The following CRACDL variants were observed in gnomAD, a reference collection of about 807,000 sequenced individuals.
CRACDL encodes CRACD like, also known as CRACD-like protein.
A neutral mutation model predicts 70.6 loss-of-function variants in CRACDL; 26 were observed. The ratio of observed to expected loss-of-function variants is 0.37; its 90% CI spans 0.27 to 0.51. CRACDL has a LOEUF of 0.51. Ranked by LOEUF, CRACDL falls within the 20% of genes least tolerant of loss-of-function variation. The pLI is 0.94. For synonymous variants in CRACDL, 618 were observed against 615.2 expected, an observed-to-expected ratio of 1.00 and a Z score of -0.07; for missense variants, 1,283 against 1,376.9, an observed-to-expected ratio of 0.93 and a Z score of 1.08.
chr2:98,800,871 T>A (rs1426480143), intron 7 of CRACDL, among the ~76,000 whole-genome samples: 4 of 152,192 alleles, frequency 2.6e-5, no homozygotes, highest in Admixed American at 2.6e-4. Flanking sequence ...CAGAATTCCA[T>A]CCCAAACACA....
chr2:98,822,576 G>A lies in CRACDL; in HGVS notation c.1697C>T (p.Ala566Val), dbSNP rs1391727371. 10 of 1,452,388 alleles carry A rather than the reference G, an allele frequency of 6.9e-6. No homozygotes were observed. In the South Asian group the frequency reaches 1.3e-4, roughly 19 times the overall value. The allele number at this position is 1,452,388 out of a possible 1,614,324, so 90.0% of individuals were successfully genotyped here. Residue 566 changes from alanine to valine, a missense_variant, in exon 7 of 10, where the codon GCC (alanine) becomes GTC (valine). Ala to Val is a moderately conservative substitution (Grantham distance 64, BLOSUM62 0). Coordinates refer to ENST00000397899, the MANE Select transcript of CRACDL (RefSeq NM_207362.3). This position sits in a 1 kb window ranked among gnomAD's most constrained non-coding sequence, Gnocchi z 4.9. ...APERKAERGG[A>V]ELRGAKKFSV... ...GAACTTCTTCGCGCCTCGCAGCTCG[G>A]CACCGCCCCTCTCCGCCTTCCGCTC...
intron 1 of CRACDL, among the ~76,000 whole-genome samples, chr2:98,898,724 G>A (rs1332354387): frequency 2.6e-5 from 4 of 152,216 alleles, no homozygotes; most frequent in Non-Finnish European, 4.4e-5. Flanking sequence ...GATGAGGAAG[G>A]GAGGCCACGT....
chr2:98,823,221 C>T lies in CRACDL; in HGVS notation c.1052G>A (p.Arg351His), dbSNP rs1368461291. 3.5e-6 allele frequency: 5 copies of T among 1,418,644 alleles called. No homozygotes were observed. Among genetic ancestry groups the T allele is most frequent in the Admixed American group, 3.0e-5 (1 of 33,866 alleles). The allele number at this position is 1,418,644 out of a possible 1,614,324, so 87.9% of individuals were successfully genotyped here. A position where few individuals can be genotyped will look rare whatever the true frequency, so the allele number is the denominator to read the frequency against. The change falls in exon 7 of 10, where the codon CGC becomes CAC. Residue 351 changes from arginine to histidine, a missense_variant. Around this residue, in one of 2 missense-constraint regions of CRACDL, gnomAD observed 362 missense variants for 495.0 expected, o/e 0.73. Transcript: ENST00000397899. This position sits in a 1 kb window ranked among gnomAD's most constrained non-coding sequence, Gnocchi z 4.0. ...LAEPESAPTL[R>H]VEPPSPPEGP... ...CTCCGGCGGGGACGGGGGCTCCACG[C>T]GGAGAGTGGGGGCCGACTCGGGCTC...
intron 7 of CRACDL, among the ~76,000 whole-genome samples, chr2:98,798,114 G>A (rs1010117342): frequency 1.3e-5 from 2 of 152,170 alleles, no homozygotes; most frequent in Non-Finnish European, 2.9e-5. Flanking sequence ...AAGGCCAAGA[G>A]GGGGTGGATC....
At position 98,797,490 on chromosome 2, in the gene CRACDL, G is replaced by C; in HGVS notation, c.2464C>G (p.Pro822Ala). ...GTGACGGTGATCCAGGGTGGCGCAG[G>C]CTGCCCATCAGCTCCAGGCCCTGTT... ...AATGPGADGQ[P>A]APPWITVTRQ... Residue 822 changes from proline (P) to alanine (A), a missense_variant, in exon 8 of 10, where the codon CCT (proline) becomes GCT (alanine). This residue lies in a region of CRACDL where 921 missense variants were observed against 881.9 expected (regional missense o/e 1.04). Coordinates refer to ENST00000397899, the MANE Select transcript of CRACDL (RefSeq NM_207362.3). 1.9e-6 allele frequency: 3 copies of C among 1,614,178 alleles called. No homozygotes were observed. The highest frequency in any genetic ancestry group is 1.7e-6 in the Non-Finnish European group (2 of 1,180,036).
intron 7 of CRACDL, among the ~76,000 whole-genome samples, chr2:98,811,718 T>C (rs1386223815): frequency 6.6e-6 from 1 of 152,058 alleles, no homozygotes; most frequent in Non-Finnish European, 1.5e-5. Context: ...TCCCAACCCC[T>C]GGCAACTACT....
At position 98,887,640 on chromosome 2, in the gene CRACDL, C is replaced by T. The variant is rs78997090; in HGVS notation, c.-10-40830G>A. On this transcript the variant is annotated intron_variant, in intron 1 of 9. Coordinates refer to ENST00000397899, the MANE Select transcript of CRACDL (RefSeq NM_207362.3). ...ACACTTCCAAAATTTGAGGAAAACA[C>T]GACCCATTCAAGAAGCTTGATGACC... Among the ~76,000 whole-genome samples, 71 of 152,180 alleles carry T rather than the reference C, an allele frequency of 4.7e-4. No individual in the cohort carries two copies. The East Asian group carries it at 0.011, about 24-fold the overall frequency.
intron 5 of CRACDL, among the ~76,000 whole-genome samples, chr2:98,829,656 T>G (rs1039924728): frequency 6.6e-6 from 1 of 152,272 alleles, no homozygotes; most frequent in East Asian, 1.9e-4. Flanking sequence ...CATGTGTCTC[T>G]CTGTTGCAGG....
At chr2:98,827,488 C>T (rs1575356917) in intron 5 of CRACDL, among the ~76,000 whole-genome samples, 2 of 152,164 alleles carry the variant, frequency 1.3e-5, no homozygotes, top group South Asian at 4.1e-4. Context: ...GACAGGGTTT[C>T]ACCATGTTGG....
intron 1 of CRACDL, among the ~76,000 whole-genome samples, chr2:98,857,489 T>A (rs1706753358): frequency 6.6e-6 from 1 of 152,120 alleles, no homozygotes; most frequent in African/African-American, 2.4e-5. Context: ...AGTATAAATC[T>A]TAAATTGATT....
At chr2:98,922,300 C>T (rs991085241) in intron 1 of CRACDL, among the ~76,000 whole-genome samples, 5 of 151,838 alleles carry the variant, frequency 3.3e-5, no homozygotes, top group Admixed American at 2.6e-4. Context: ...ATGCACCGGG[C>T]ATGGTGGTGC....
intron 1 of CRACDL, among the ~76,000 whole-genome samples, chr2:98,887,415 G>C (rs1169497217): frequency 6.6e-6 from 1 of 152,116 alleles, no homozygotes; most frequent in Non-Finnish European, 1.5e-5. Context: ...TTGGGCCCTG[G>C]AGGTCAAGGC....
chr2:98,846,465 A>C (rs1002571247), intron 2 of CRACDL, among the ~76,000 whole-genome samples: 1 of 152,240 alleles, frequency 6.6e-6, no homozygotes, highest in African/African-American at 2.4e-5. Flanking sequence ...AAACATGGGG[A>C]CATGCTTACC....
At chr2:98,803,353 T>G (rs1704162358) in intron 7 of CRACDL, among the ~76,000 whole-genome samples, 1 of 152,150 alleles carries the variant, frequency 6.6e-6, no homozygotes, top group South Asian at 2.1e-4. Context: ...GGTCTCGCTA[T>G]GTCACCCAGG....
At chr2:98,838,845 G>C (rs1034634358) in intron 2 of CRACDL, among the ~76,000 whole-genome samples, 2 of 152,186 alleles carry the variant, frequency 1.3e-5, no homozygotes, top group Non-Finnish European at 2.9e-5. Context: ...TCCCTGCAGG[G>C]GAGGGGTGTG....
At chr2:98,887,085 A>G (rs545477334) in intron 1 of CRACDL, among the ~76,000 whole-genome samples, 2 of 152,348 alleles carry the variant, frequency 1.3e-5, no homozygotes, top group South Asian at 4.1e-4. Context: ...AAATTTAAAA[A>G]TCACTAGAGG....
At chr2:98,931,324 CA>C (rs530900049) in intron 1 of CRACDL, among the ~76,000 whole-genome samples, 1,140 of 96,230 alleles carry the variant, frequency 0.012, 9 homozygotes, top group African/African-American at 0.031. Flanking sequence ...GACTCCATCT[CA>C]AAAAAAAAAA....
intron 1 of CRACDL, among the ~76,000 whole-genome samples, chr2:98,917,434 C>T (rs1482636990): frequency 6.6e-6 from 1 of 152,160 alleles, no homozygotes; most frequent in African/African-American, 2.4e-5. Flanking sequence ...GCTTCCTCTC[C>T]CAAGGCATAT....
At chr2:98,905,126 T>C (rs2104664199) in intron 1 of CRACDL, among the ~76,000 whole-genome samples, 2 of 150,740 alleles carry the variant, frequency 1.3e-5, no homozygotes, top group African/African-American at 4.9e-5. Flanking sequence ...GGCGGGTGCC[T>C]GTAGTCCCAG....
Sources: allele counts gnomAD v4.1 joint callset (sites outside exome capture counted in the v4.1 genomes callset), GRCh38; gene constraint gnomAD v4.1.1; regional missense constraint gnomAD v4.1.1; non-coding constraint Gnocchi (gnomAD v3.1); transcripts MANE v1.5; gene names NCBI Gene and HGNC (gene_info 2026-07-23, HGNC 2026-07-21).